The following PCDHGA10 variants were observed in gnomAD, a reference collection of about 807,000 sequenced individuals.
PCDHGA10 encodes the protein protocadherin gamma-A10.
In PCDHGA10, 42 loss-of-function variants were observed where a neutral mutation model predicts 59.5. The ratio of observed to expected loss-of-function variants is 0.71; its 90% CI spans 0.55 to 0.91. PCDHGA10 has a LOEUF of 0.91. PCDHGA10 is among the 40% of genes least tolerant of loss of function. The probability of loss-of-function intolerance (pLI) is 0.00; values close to 1 mark genes in which losing one functional copy is unlikely to be tolerated. For missense variants in PCDHGA10, 1,111 were observed against 1,198.2 expected (o/e 0.93, Z 1.07); for synonymous variants, 511 against 517.2 (o/e 0.99, Z 0.16).
rs757924501 is a variant in PCDHGA10, at chr5:141,490,548, A to G, written c.2437-4259A>G. 1.2e-6 allele frequency: 2 copies of G among 1,614,084 alleles called. No individual in the cohort carries two copies. Among genetic ancestry groups the G allele is most frequent in the South Asian group, 2.2e-5 (2 of 91,080 alleles). ...ATGCTGGTTCACCTTCCCTACACAA[A>G]CATCTCACCATCAGGCTCAACATTT... On this transcript the variant is annotated intron_variant, in intron 1 of 3. Transcript: ENST00000398610. This position sits in a 1 kb window ranked among gnomAD's most constrained non-coding sequence, Gnocchi z 5.4.
chr5:141,443,588 A>T (rs1479393074), intron 1 of PCDHGA10, among the ~76,000 whole-genome samples: 3 of 152,240 alleles, frequency 2.0e-5, no homozygotes, highest in Non-Finnish European at 4.4e-5. Context: ...CTAAAACAGA[A>T]TGTGGTATAT....
chr5:141,442,702 T>G (rs1301940560), intron 1 of PCDHGA10, among the ~76,000 whole-genome samples: 6 of 152,224 alleles, frequency 3.9e-5, no homozygotes, highest in Non-Finnish European at 8.8e-5. Context: ...GACAAGAGTA[T>G]CAGACATGCC....
At chr5:141,453,071 C>G (rs561248978) in intron 1 of PCDHGA10, among the ~76,000 whole-genome samples, 13 of 152,150 alleles carry the variant, frequency 8.5e-5, no homozygotes, top group South Asian at 2.1e-4. Flanking sequence ...TTTTGCCACA[C>G]TCTGGTTGAT....
chr5:141,435,519 T>C (rs2097768121), intron 1 of PCDHGA10, among the ~76,000 whole-genome samples: 2 of 152,192 alleles, frequency 1.3e-5, no homozygotes, highest in South Asian at 4.1e-4. Context: ...ATGATGACTT[T>C]GTGGAATATT....
At chr5:141,415,740 G>GTTTTTTTTTTTTTTTTTGTTTTT (rs2095912994) in intron 1 of PCDHGA10, 129 bp downstream of exon 1, 1 of 515,998 alleles carries the variant, frequency 1.9e-6, no homozygotes. Flanking sequence ...GTTTATTAAG[G>GTTTTTTTTTTTTTTTTTGTTTTT]TTTTTTTTTT....
At chr5:141,497,703 C>T (rs995815060) in intron 2 of PCDHGA10, among the ~76,000 whole-genome samples, 16 of 152,134 alleles carry the variant, frequency 1.1e-4, no homozygotes, top group African/African-American at 3.9e-4. Context: ...CCACACCCAG[C>T]TCATTTTTGT....
At position 141,485,221 on chromosome 5, in the gene PCDHGA10, C is replaced by A; in HGVS notation, c.2437-9586C>A. 4 of 1,614,118 alleles carry A rather than the reference C, an allele frequency of 2.5e-6. No individual in the cohort carries two copies. The highest frequency in any genetic ancestry group is 2.2e-5 in the East Asian group (1 of 44,868). ...GGACAGAAATCTGGCGGTGGGCTAC[C>A]CTTTTGTTCCTCTTTTACCACCTGG... On this transcript the variant is annotated intron_variant, in intron 1 of 3. Coordinates refer to ENST00000398610, the MANE Select transcript of PCDHGA10 (RefSeq NM_018913.3). The surrounding 1 kb of genome is among the most constrained non-coding windows in gnomAD (Gnocchi z 5.7).
intron 2 of PCDHGA10, among the ~76,000 whole-genome samples, chr5:141,495,922 C>G (rs1263216717): frequency 6.6e-6 from 1 of 152,100 alleles, no homozygotes; most frequent in Non-Finnish European, 1.5e-5. Context: ...CTTTCTTTGT[C>G]TCTGTCTCTG....
chr5:141,499,138 G>A (rs765607930), intron 2 of PCDHGA10, among the ~76,000 whole-genome samples: 12 of 152,144 alleles, frequency 7.9e-5, no homozygotes, highest in Non-Finnish European at 1.5e-4. Flanking sequence ...TCCTTTGGGT[G>A]TCTGATCCCA....
At chr5:141,445,808 T>A (rs1004030960) in intron 1 of PCDHGA10, among the ~76,000 whole-genome samples, 1 of 152,182 alleles carries the variant, frequency 6.6e-6, no homozygotes, top group Non-Finnish European at 1.5e-5. Flanking sequence ...AATAAATAGA[T>A]GAAACTAATA....
rs1233801398 is a variant in PCDHGA10, at chr5:141,431,238, C to T, written c.2436+15627C>T. The stretch of plus-strand genomic sequence containing the variant: ...TTCCCTCTACCCCACGCCTGGGATC[C>T]GGATATCGGGAAGAACTCTCTGCAG... On this transcript the variant is annotated intron_variant, in intron 1 of 3. Coordinates refer to ENST00000398610, the MANE Select transcript of PCDHGA10 (RefSeq NM_018913.3). This position sits in a 1 kb window ranked among gnomAD's most constrained non-coding sequence, Gnocchi z 4.8. The T allele has an allele frequency of 3.7e-6, 6 of 1,614,156 alleles. No homozygotes were observed. Among genetic ancestry groups the T allele is most frequent in the Non-Finnish European group, 8.5e-7 (1 of 1,180,038 alleles).
chr5:141,428,001 T>C (rs149531447), intron 1 of PCDHGA10: 1 of 1,601,704 alleles, frequency 6.2e-7, no homozygotes, highest in Admixed American at 1.7e-5. Flanking sequence ...CTCCGCACTC[T>C]TCGATATAGT....
At position 141,413,835 on chromosome 5, in the gene PCDHGA10, C is replaced by T. The variant is rs762735722; in HGVS notation, c.660C>T (p.Asp220=). ...ACCACCTGGTCCTCACCGCCTCCGA[C>T]GGGGGTGACCCTCTCCGATCTGGCA... ...AIHHLVLTAS[D]GGDPLRSGTV... The change falls in exon 1 of 4, where the codon GAC becomes GAT. Residue 220 remains aspartate (D), a synonymous_variant. Transcript: ENST00000398610. 3 of 1,613,258 alleles carry T rather than the reference C, an allele frequency of 1.9e-6. No homozygotes were observed.
chr5:141,456,814 ATTAGCCATCGTGG>A (rs2098889077), intron 1 of PCDHGA10, among the ~76,000 whole-genome samples: 1 of 151,928 alleles, frequency 6.6e-6, no homozygotes, highest in Non-Finnish European at 1.5e-5. Context: ...AATACAAAAA[ATTAGCCATCGTGG>A]TAGTGGGCGC....
chr5:141,421,945 AT>A (rs1473318347), intron 1 of PCDHGA10: 1 of 1,613,342 alleles, frequency 6.2e-7, no homozygotes, highest in Non-Finnish European at 8.5e-7. Flanking sequence ...AAATGATCAC[AT>A]CCCAATGTTT....
chr5:141,452,884 A>C (rs746547069), intron 1 of PCDHGA10, among the ~76,000 whole-genome samples: 1 of 152,204 alleles, frequency 6.6e-6, no homozygotes, highest in Non-Finnish European at 1.5e-5. Flanking sequence ...GTAATAATTT[A>C]TTCCACTTTT....
At chr5:141,478,417 C>G in intron 1 of PCDHGA10, 1 of 1,613,652 alleles carries the variant, frequency 6.2e-7, no homozygotes, top group Non-Finnish European at 8.5e-7. Context: ...CGGACTCCCG[C>G]CGCAGCGACC....
intron 1 of PCDHGA10, chr5:141,422,676 A>G (rs1245488589): frequency 1.2e-6 from 2 of 1,606,500 alleles, no homozygotes; most frequent in East Asian, 4.5e-5. Flanking sequence ...CGGACAGCAA[A>G]CAGAATGCCC....
At chr5:141,433,381 A>ATCTC (rs1561869478) in intron 1 of PCDHGA10, among the ~76,000 whole-genome samples, 1 of 151,148 alleles carries the variant, frequency 6.6e-6, no homozygotes, top group Admixed American at 6.6e-5. Flanking sequence ...CTATCTATCT[A>ATCTC]TCTATCTATC....
Sources: gnomAD v4.1 joint callset for allele counts (sites outside exome capture counted in the v4.1 genomes callset) on GRCh38, gnomAD v4.1.1 for gene constraint, Gnocchi (gnomAD v3.1) non-coding constraint, MANE v1.5 for transcripts, NCBI Gene and HGNC (gene_info 2026-07-23, HGNC 2026-07-21) for gene names.